Variants in SGIP1 observed in about 807,000 individuals in gnomAD.
SGIP1 encodes SH3-containing GRB2-like protein 3-interacting protein 1.
A neutral mutation model predicts 107.5 loss-of-function variants in SGIP1; 38 were observed. That is an observed-to-expected ratio of 0.35 (90% confidence interval 0.27 to 0.46). The LOEUF (loss-of-function observed/expected upper bound fraction) is 0.46, where lower values mean the gene tolerates loss of function less well. SGIP1 is among the 20% of genes least tolerant of loss of function. The pLI is 1.00. For synonymous variants in SGIP1, 365 were observed against 366.1 expected (o/e 1.00, Z 0.03); for missense variants, 929 against 1,019.5 (o/e 0.91, Z 1.21).
Position 66,600,407 on chromosome 1 carries a change from C to A in SGIP1, c.11-25440C>A, listed in dbSNP as rs542561358. 2.6e-5 allele frequency among the ~76,000 whole-genome samples: 4 copies of A among 152,230 alleles called. No individual in the cohort carries two copies. The South Asian group carries it at 6.2e-4, about 24-fold the overall frequency. Reference sequence around the variant, plus strand: ...AGTCATGTCAATGAAAAGTCACACTCGTGGTAGTTGTCATAATAAGGCATT... The same window carrying A: ...AGTCATGTCAATGAAAAGTCACACTAGTGGTAGTTGTCATAATAAGGCATT... On this transcript the variant is annotated intron_variant, in intron 1 of 24. Coordinates refer to ENST00000371037, the MANE Select transcript of SGIP1 (RefSeq NM_032291.4).
chr1:66,599,188 A>G (rs972421854), intron 1 of SGIP1, among the ~76,000 whole-genome samples: 2 of 152,246 alleles, frequency 1.3e-5, no homozygotes, highest in South Asian at 4.1e-4. Context: ...TACTTAATGA[A>G]TGAAACTGTT....
chr1:66,593,779 A>AT (rs1407331277), intron 1 of SGIP1, among the ~76,000 whole-genome samples: 4 of 152,172 alleles, frequency 2.6e-5, no homozygotes, highest in Non-Finnish European at 5.9e-5. Context: ...CAAAAAAGAT[A>AT]TAAAAACAAA....
intron 20 of SGIP1, among the ~76,000 whole-genome samples, chr1:66,729,670 G>C (rs2483704): frequency 6.6e-5 from 10 of 151,948 alleles, no homozygotes; most frequent in Non-Finnish European, 1.3e-4. Flanking sequence ...AGAGAGACAG[G>C]GTAAGAAAAT....
At chr1:66,654,123 T>G (rs2079254828) in intron 7 of SGIP1, among the ~76,000 whole-genome samples, 1 of 152,162 alleles carries the variant, frequency 6.6e-6, no homozygotes, top group South Asian at 2.1e-4. Context: ...CACGGGACAT[T>G]ATATAAAATG....
At chr1:66,631,925 A>G (rs2074849707) in intron 2 of SGIP1, among the ~76,000 whole-genome samples, 1 of 152,148 alleles carries the variant, frequency 6.6e-6, no homozygotes, top group South Asian at 2.1e-4. Flanking sequence ...TTAAAAACTG[A>G]ATTAAAATGG....
At chr1:66,561,466 T>C (rs527888751) in intron 1 of SGIP1, among the ~76,000 whole-genome samples, 3 of 152,140 alleles carry the variant, frequency 2.0e-5, no homozygotes, top group South Asian at 4.1e-4. Context: ...AAGTCAGAGA[T>C]TGTGATCCAT....
At chr1:66,686,772 T>C (rs889819938) in intron 15 of SGIP1, among the ~76,000 whole-genome samples, 4 of 152,234 alleles carry the variant, frequency 2.6e-5, no homozygotes, top group Admixed American at 2.0e-4. Flanking sequence ...GTGATTTCAA[T>C]GGGGCATCCG....
intron 1 of SGIP1, among the ~76,000 whole-genome samples, chr1:66,566,624 T>A (rs1571427744): frequency 6.6e-6 from 1 of 151,980 alleles, no homozygotes; most frequent in Admixed American, 6.6e-5. Context: ...GAAAACATGA[T>A]AGCTATGAAA....
At chr1:66,644,824 AT>A (rs1170227403) in intron 7 of SGIP1, among the ~76,000 whole-genome samples, 11 of 152,282 alleles carry the variant, frequency 7.2e-5, no homozygotes, top group African/African-American at 2.6e-4. Flanking sequence ...AGTAAATAAT[AT>A]TTAAGGTGAT....
At chr1:66,624,038 T>C (rs941860956) in intron 1 of SGIP1, among the ~76,000 whole-genome samples, 1 of 152,220 alleles carries the variant, frequency 6.6e-6, no homozygotes, top group Non-Finnish European at 1.5e-5. Context: ...TTTTCTGATA[T>C]ATTTGGTAAG....
rs540280020 is a variant in SGIP1 at position 66,740,581 on chromosome 1, A to G, written c.2235-77A>G. The G allele has an allele frequency of 1.3e-5, 11 of 879,014 alleles. No individual in the cohort carries two copies. The Admixed American group carries it at 1.7e-4, about 13-fold the overall frequency. 54.5% of individuals were successfully genotyped at this position (879,014 alleles called of 1,614,324 possible). A position where few individuals can be genotyped will look rare whatever the true frequency, so the allele number is the denominator to read the frequency against. ...AGCTCTATTTTAAAAAATTAATACT[A>G]TCTGGAAAAAAAACATGGCATCCAG... On this transcript the variant is annotated intron_variant, in intron 22 of 24. Transcript: ENST00000371037.
chr1:66,710,679 A>T (rs2092856026), intron 18 of SGIP1, among the ~76,000 whole-genome samples: 1 of 152,198 alleles, frequency 6.6e-6, no homozygotes, highest in Non-Finnish European at 1.5e-5. Flanking sequence ...TATACCATGC[A>T]AATACAGTGC....
chr1:66,601,373 A>C (rs1263139847), intron 1 of SGIP1, among the ~76,000 whole-genome samples: 1 of 152,142 alleles, frequency 6.6e-6, no homozygotes, highest in Non-Finnish European at 1.5e-5. Flanking sequence ...CCAAACACAA[A>C]CAAGCAAACA....
At chr1:66,608,411 G>A in intron 1 of SGIP1, among the ~76,000 whole-genome samples, 1 of 152,046 alleles carries the variant, frequency 6.6e-6, no homozygotes, top group East Asian at 1.9e-4. Context: ...CATTTCTTAA[G>A]CAAAAATAAT....
chr1:66,725,281 T>C (rs1319185456), intron 19 of SGIP1, among the ~76,000 whole-genome samples: 1 of 152,208 alleles, frequency 6.6e-6, no homozygotes, highest in East Asian at 1.9e-4. Context: ...TACAAGGTTA[T>C]AGCAGTTCCT....
At chr1:66,600,347 G>A (rs10789210) in intron 1 of SGIP1, among the ~76,000 whole-genome samples, 95,726 of 151,898 alleles carry the variant, frequency 0.63, 30,959 homozygotes, top group East Asian at 1. Flanking sequence ...GATTCAAAGG[G>A]GAACTAGCAC....
In SGIP1 at chr1:66,740,689, A is replaced by G. The variant is rs767913295; in HGVS notation, c.2266A>G (p.Ile756Val). 81 of 1,608,710 alleles carry G rather than the reference A, an allele frequency of 5.0e-5. No individual in the cohort carries two copies. Among genetic ancestry groups the G allele is most frequent in the East Asian group, 8.9e-5 (4 of 44,736 alleles). The change falls in exon 23 of 25, where the codon ATT becomes GTT. Residue 756 changes from isoleucine (I) to valine (V), a missense_variant. Ile to Val is a conservative substitution (Grantham distance 29, BLOSUM62 3). Coordinates refer to ENST00000371037, the MANE Select transcript of SGIP1 (RefSeq NM_032291.4). ...TGAACAACAGAGAATATTGTGGAAG[A>G]TTCCTGATATCTCTCAGAAGTCAGA... The part of the protein sequence containing the change: ...NAEQQRILWK[I>V]PDISQKSENG...
chr1:66,712,145 T>G (rs191347917), intron 18 of SGIP1, among the ~76,000 whole-genome samples: 1 of 152,184 alleles, frequency 6.6e-6, no homozygotes, highest in East Asian at 1.9e-4. Flanking sequence ...GTGGTGCAAA[T>G]TAAGGGAGAT....
chr1:66,738,831 A>G (rs2094352370), intron 21 of SGIP1, among the ~76,000 whole-genome samples: 1 of 152,186 alleles, frequency 6.6e-6, no homozygotes, highest in Non-Finnish European at 1.5e-5. Context: ...ACATTTATCA[A>G]AATGTATTCC....
Sources: allele counts gnomAD v4.1 joint callset (sites outside exome capture counted in the v4.1 genomes callset), GRCh38; gene constraint gnomAD v4.1.1; transcripts MANE v1.5; gene names NCBI Gene and HGNC (gene_info 2026-07-23, HGNC 2026-07-21).